The following TMEM209 variants were observed in gnomAD, a reference collection of about 807,000 sequenced individuals.
TMEM209 encodes testicular tissue protein Li 202.
TMEM209 carries 65 observed loss-of-function variants against 76.2 expected under a neutral mutation model. The observed-to-expected ratio is 0.85, with a 90% CI of 0.70 to 1.05. TMEM209 has a LOEUF of 1.05. TMEM209 is among the 50% of genes least tolerant of loss of function. The probability of loss-of-function intolerance (pLI) is 0.00; values close to 1 mark genes in which losing one functional copy is unlikely to be tolerated. For missense variants in TMEM209, 623 were observed against 685.5 expected, an observed-to-expected ratio of 0.91 and a Z score of 1.02; for synonymous variants, 239 against 237.6, an observed-to-expected ratio of 1.01 and a Z score of -0.06.
Position 130,182,441 on chromosome 7 carries a change from G to A in TMEM209, c.1024-722C>T, listed in dbSNP as rs117703904. ...GTTTATATTGGTTTGCAATCAGTAA[G>A]ATAGTTTTTCAAACTAACATAACTG... is the stretch of plus-strand genomic sequence containing the variant. On this transcript the variant is annotated intron_variant, in intron 8 of 14. Transcript: ENST00000397622. Among the ~76,000 whole-genome samples, 151 of 152,258 alleles carry A rather than the reference G, an allele frequency of 9.9e-4. 1 individual carries two copies. The East Asian group carries it at 0.025, about 25-fold the overall frequency.
At chr7:130,196,930 C>A (rs889707933) in intron 5 of TMEM209, among the ~76,000 whole-genome samples, 3 of 152,086 alleles carry the variant, frequency 2.0e-5, no homozygotes, top group African/African-American at 7.2e-5. Flanking sequence ...ATAGTGGCTA[C>A]AAACCATGGT....
At chr7:130,182,903 G>A (rs1797470897) in intron 8 of TMEM209, among the ~76,000 whole-genome samples, 2 of 152,190 alleles carry the variant, frequency 1.3e-5, no homozygotes, top group African/African-American at 2.4e-5. Flanking sequence ...TTATCCCACT[G>A]AGTGTGACTA....
Position 130,175,610 on chromosome 7 carries a change from C to G in TMEM209, c.1247-1G>C. On this transcript the variant is annotated splice_acceptor_variant, in intron 10 of 14. Coordinates refer to ENST00000397622, the MANE Select transcript of TMEM209 (RefSeq NM_032842.4). LOFTEE classifies it high-confidence loss of function. Reference sequence around the variant, plus strand: ...CTCATACAACCTCCCTGAGATAGTTCTGTGGCAACAAGGTGAAATTTTTAA... The same window carrying G: ...CTCATACAACCTCCCTGAGATAGTTGTGTGGCAACAAGGTGAAATTTTTAA... The G allele has an allele frequency of 6.2e-7, 1 of 1,608,766 alleles. No individual in the cohort carries two copies. Among genetic ancestry groups the G allele is most frequent in the Non-Finnish European group, 8.5e-7 (1 of 1,177,980 alleles).
intron 10 of TMEM209, 77 bp from the exon 11 acceptor site, chr7:130,175,686 A>G (rs1015790334): frequency 1.8e-6 from 2 of 1,107,524 alleles, no homozygotes; most frequent in African/African-American, 3.2e-5. Flanking sequence ...AGGGAATATA[A>G]TAAGGGAAGC....
chr7:130,175,632 T>C, intron 10 of TMEM209, 23 bp from the exon 11 acceptor site: 1 of 1,588,720 alleles, frequency 6.3e-7, no homozygotes. Context: ...GGTGAAATTT[T>C]TAAAAGCTAA....
intron 13 of TMEM209, among the ~76,000 whole-genome samples, chr7:130,172,996 C>G (rs1229751970): frequency 1.9e-5 from 1 of 52,448 alleles, no homozygotes; most frequent in Non-Finnish European, 3.8e-5. Flanking sequence ...GAGACTCTAT[C>G]TCAAAAAAAA....
At chr7:130,203,490 G>A (rs896918123) in intron 3 of TMEM209, among the ~76,000 whole-genome samples, 1 of 152,194 alleles carries the variant, frequency 6.6e-6, no homozygotes, top group Admixed American at 6.5e-5. Flanking sequence ...TAAAAAGGTA[G>A]AGACACAGAA....
chr7:130,180,374 T>TC (rs1432153891), intron 9 of TMEM209, among the ~76,000 whole-genome samples: 2 of 152,070 alleles, frequency 1.3e-5, no homozygotes, highest in Non-Finnish European at 2.9e-5. Flanking sequence ...AAAAGACATT[T>TC]CTTTTTTTTT....
At chr7:130,189,572 T>C (rs915270000) in intron 6 of TMEM209, among the ~76,000 whole-genome samples, 8 of 152,172 alleles carry the variant, frequency 5.3e-5, no homozygotes, top group African/African-American at 9.7e-5. Flanking sequence ...AGTGGAATGA[T>C]GCCCGCAACT....
At chr7:130,189,087 C>G (rs1019057920) in intron 6 of TMEM209, among the ~76,000 whole-genome samples, 1 of 151,638 alleles carries the variant, frequency 6.6e-6, no homozygotes, top group African/African-American at 2.4e-5. Context: ...GATCCTGCAT[C>G]AATAAAAGAA....
intron 11 of TMEM209, 141 bp downstream of exon 11, chr7:130,175,370 AG>A: frequency 1.5e-6 from 1 of 683,260 alleles, no homozygotes; most frequent in Non-Finnish European, 2.4e-6. Flanking sequence ...CTGAGCTGGG[AG>A]GAGCACTTGA....
At chr7:130,199,857 A>C (rs1798125373) in intron 5 of TMEM209, 1 of 152,182 alleles carries the variant, frequency 6.6e-6, no homozygotes, top group South Asian at 2.1e-4. Context: ...GTCCACAATG[A>C]AACTGCTACA....
At chr7:130,171,863 T>C (rs1797078515) in intron 13 of TMEM209, among the ~76,000 whole-genome samples, 1 of 151,798 alleles carries the variant, frequency 6.6e-6, no homozygotes, top group Non-Finnish European at 1.5e-5. Context: ...CCCCCGTCTC[T>C]TACTAAAAAT....
intron 6 of TMEM209, among the ~76,000 whole-genome samples, chr7:130,190,454 G>A (rs537153114): frequency 2.0e-5 from 3 of 151,600 alleles, no homozygotes; most frequent in African/African-American, 7.3e-5. Flanking sequence ...GGAGGCAGAA[G>A]TTGCAGTAAG....
rs755595290 is a variant in TMEM209, at chr7:130,175,554, G to A, written c.1302C>T (p.Phe434=). Residue 434 remains phenylalanine, a synonymous_variant, in exon 11 of 15, where the codon TTC becomes TTT. Transcript: ENST00000397622. ...GGTCTGTATCCCACTTTCGTCCTTTGAAGTCGCCACCTCTGTTCCATCGAA... is the reference window on the plus strand; with the variant it reads ...GGTCTGTATCCCACTTTCGTCCTTTAAAGTCGCCACCTCTGTTCCATCGAA... ...SSFRWNRGGD[F]KGRKWDTDLP... 1 of 1,613,336 alleles carries A rather than the reference G, an allele frequency of 6.2e-7. No individual in the cohort carries two copies. Among genetic ancestry groups the A allele is most frequent in the East Asian group, 2.2e-5 (1 of 44,884 alleles).
At chr7:130,178,286 G>A (rs1039044746) in intron 10 of TMEM209, 116 bp downstream of exon 10, 17 of 1,006,314 alleles carry the variant, frequency 1.7e-5, no homozygotes, top group African/African-American at 6.5e-5. Context: ...TAATTAATAC[G>A]TATTTATAAG....
intron 5 of TMEM209, among the ~76,000 whole-genome samples, chr7:130,197,845 T>C (rs1562897954): frequency 6.6e-6 from 1 of 152,258 alleles, no homozygotes; most frequent in Non-Finnish European, 1.5e-5. Flanking sequence ...TTGTCTATTT[T>C]ATGGGATTTC....
At chr7:130,188,595 CAAAAAAAA>C (rs10649977) in intron 6 of TMEM209, among the ~76,000 whole-genome samples, 25,325 of 72,976 alleles carry the variant, frequency 0.35, 2,407 homozygotes, top group East Asian at 0.61. Context: ...GACTCCGTAT[CAAAAAAAA>C]AAAAAAAAAA....
chr7:130,175,306 T>TA (rs370172232), intron 11 of TMEM209: 1 of 447,702 alleles, frequency 2.2e-6, no homozygotes, highest in East Asian at 3.6e-5. Flanking sequence ...TACAAAAAAT[T>TA]AAAAAAATTA....
Sources: allele counts gnomAD v4.1 joint callset (sites outside exome capture counted in the v4.1 genomes callset), GRCh38; gene constraint gnomAD v4.1.1; transcripts MANE v1.5; gene names NCBI Gene and HGNC (gene_info 2026-07-23, HGNC 2026-07-21).